Variants in ECT2 observed in about 807,000 individuals in gnomAD.
The protein encoded by ECT2 is protein ECT2.
ECT2 carries 61 observed loss-of-function variants against 116.9 expected under a neutral mutation model. That is an observed-to-expected ratio of 0.52 (90% CI 0.42 to 0.65). The LOEUF is 0.65. Ranked by LOEUF, ECT2 falls within the 30% of genes least tolerant of loss-of-function variation. The probability of loss-of-function intolerance (pLI) is 0.00; values close to 1 mark genes in which losing one functional copy is unlikely to be tolerated. For synonymous variants in ECT2, 358 were observed against 346.4 expected, an observed-to-expected ratio of 1.03 and a Z score of -0.37; for missense variants, 937 against 1,078.7, an observed-to-expected ratio of 0.87 and a Z score of 1.84.
chr3:172,775,089 G>A (rs1034985643), intron 14 of ECT2, among the ~76,000 whole-genome samples: 1 of 152,290 alleles, frequency 6.6e-6, no homozygotes, highest in African/African-American at 2.4e-5. Context: ...TGAATTCCAG[G>A]TGTCAATCTC....
At chr3:172,791,160 A>T (rs772580670) in intron 18 of ECT2, among the ~76,000 whole-genome samples, 1 of 152,194 alleles carries the variant, frequency 6.6e-6, no homozygotes, top group African/African-American at 2.4e-5. Context: ...GTCTCAAGAA[A>T]AAAATTAGTA....
At chr3:172,781,809 C>A (rs76394283) in intron 14 of ECT2, among the ~76,000 whole-genome samples, 9 of 152,130 alleles carry the variant, frequency 5.9e-5, no homozygotes, top group East Asian at 1.9e-4. Flanking sequence ...ATTAAAAAAA[C>A]CTCATTTTTA....
chr3:172,761,326 A>G (rs541792618), intron 7 of ECT2, among the ~76,000 whole-genome samples: 1 of 152,266 alleles, frequency 6.6e-6, no homozygotes, highest in South Asian at 2.1e-4. Flanking sequence ...ACTTTCAAGG[A>G]AGTAAACGTG....
chr3:172,750,803 T>C lies in ECT2; in HGVS notation c.-77T>C, dbSNP rs1192957222. On this transcript the variant is annotated 5_prime_UTR_variant, in exon 1 of 25. Transcript: ENST00000392692. ...GCCGCCGGCGAGGAATGGCGGTATTTGTGAGAGGAGTCGGCGTTTGAAGAG... is the reference window on the plus strand; with the variant it reads ...GCCGCCGGCGAGGAATGGCGGTATTCGTGAGAGGAGTCGGCGTTTGAAGAG... 6.5e-6 allele frequency: 1 copy of C among 153,022 alleles called. No homozygotes were observed. Among genetic ancestry groups the C allele is most frequent in the East Asian group, 1.9e-4 (1 of 5,202 alleles). The allele number at this position is 153,022 out of a possible 1,614,324, so 9.5% of individuals were successfully genotyped here.
chr3:172,828,911 A>G, the ECT2 span: 1 of 1,450,698 alleles, frequency 6.9e-7, no homozygotes, highest in Non-Finnish European at 9.5e-7. Context: ...GCCAAACACA[A>G]TTCCAATGCC....
intron 18 of ECT2, among the ~76,000 whole-genome samples, chr3:172,799,490 A>T (rs1320065462): frequency 6.6e-6 from 1 of 152,220 alleles, no homozygotes; most frequent in Admixed American, 6.5e-5. Flanking sequence ...TGCTGTAATT[A>T]AATTTCACAA....
At chr3:172,753,007 G>A (rs761133322) in intron 1 of ECT2, among the ~76,000 whole-genome samples, 1 of 152,132 alleles carries the variant, frequency 6.6e-6, no homozygotes, top group Non-Finnish European at 1.5e-5. Flanking sequence ...TGTAGCTCTC[G>A]TTAAAGGTGG....
chr3:172,813,226 AC>A (rs1729084994), intron 22 of ECT2, among the ~76,000 whole-genome samples: 2 of 152,074 alleles, frequency 1.3e-5, no homozygotes, highest in Admixed American at 1.3e-4. Flanking sequence ...GGAAATGAAG[AC>A]CTCTTTTCCA....
At chr3:172,819,359 C>T (rs1303898132) in intron 24 of ECT2, among the ~76,000 whole-genome samples, 2 of 151,942 alleles carry the variant, frequency 1.3e-5, no homozygotes, top group Non-Finnish European at 2.9e-5. Flanking sequence ...TACAGTTATT[C>T]TTGAGTCTTT....
At chr3:172,772,443 A>T (rs914456337) in intron 13 of ECT2, among the ~76,000 whole-genome samples, 1 of 152,120 alleles carries the variant, frequency 6.6e-6, no homozygotes, top group African/African-American at 2.4e-5. Flanking sequence ...CGATCCGCCC[A>T]CCTCGGCCTC....
rs191372400 is a variant in ECT2, at chr3:172,793,653, G to A, written c.1907+7079G>A. On this transcript the variant is annotated intron_variant, in intron 18 of 24. Transcript: ENST00000392692. ...TAATTTTAGTATTTTTAGTAGAGAC[G>A]GAGTTTCACCATGTTGGCCAGTCTG... Among the ~76,000 whole-genome samples the A allele has an allele frequency of 1.2e-3, 180 of 151,862 alleles. 1 individual carries two copies. Among genetic ancestry groups the A allele is most frequent in the African/African-American group, 3.9e-3 (163 of 41,412 alleles).
the ECT2 span, among the ~76,000 whole-genome samples, chr3:172,827,850 C>G: frequency 6.6e-6 from 1 of 152,168 alleles, no homozygotes; most frequent in African/African-American, 2.4e-5. Context: ...GAGGCCTAGA[C>G]ATCAATCAAA....
chr3:172,786,355 C>G, intron 17 of ECT2, 138 bp from the exon 18 acceptor site: 1 of 557,710 alleles, frequency 1.8e-6, no homozygotes, highest in South Asian at 3.1e-5. Context: ...TTTTAGGGAA[C>G]AGTGCTTAAA....
downstream of ECT2, among the ~76,000 whole-genome samples, chr3:172,821,756 A>G: frequency 6.6e-6 from 1 of 151,932 alleles, no homozygotes; most frequent in African/African-American, 2.4e-5. Context: ...CACAATTGTT[A>G]TTTTTTTGGA....
chr3:172,805,081 G>A (rs1727427205), intron 20 of ECT2, among the ~76,000 whole-genome samples: 1 of 151,958 alleles, frequency 6.6e-6, no homozygotes, highest in Non-Finnish European at 1.5e-5. Context: ...TAGTAAATTG[G>A]CAATGGAAAT....
chr3:172,784,814 G>A lies in ECT2; in HGVS notation c.1825+11G>A. 2 of 1,504,510 alleles carry A rather than the reference G, an allele frequency of 1.3e-6. No homozygotes were observed. The highest frequency in any genetic ancestry group is 1.8e-6 in the Non-Finnish European group (2 of 1,092,198). The allele number at this position is 1,504,510 out of a possible 1,614,324, so 93.2% of individuals were successfully genotyped here. On this transcript the variant is annotated intron_variant, in intron 17 of 24. Transcript: ENST00000392692. Reference sequence around the variant, plus strand: ...CATTACTTTTAAATGGTACTTGTCTGATCTGTTTCAAACTACATCAGATAT... The same window carrying A: ...CATTACTTTTAAATGGTACTTGTCTAATCTGTTTCAAACTACATCAGATAT...
At position 172,773,973 on chromosome 3, in the gene ECT2, C is replaced by A. The variant is rs760385662; in HGVS notation, c.1499C>A (p.Thr500Asn). 3 of 1,613,052 alleles carry A rather than the reference C, an allele frequency of 1.9e-6. No individual in the cohort carries two copies. The highest frequency in any genetic ancestry group is 2.2e-5 in the East Asian group (1 of 44,844). ...GPILAPEEIK[T>N]IFGSIPDIFD... ...ATCCTTGCACCAGAGGAGATTAAGA[C>A]TATTTTTGGTAGCATCCCAGATATC... is the stretch of plus-strand genomic sequence containing the variant. Residue 500 changes from threonine to asparagine, a missense_variant, in exon 14 of 25, where the codon ACT (threonine) becomes AAT (asparagine). Transcript: ENST00000392692.
chr3:172,816,243 T>G (rs1274822700), intron 23 of ECT2, among the ~76,000 whole-genome samples: 1 of 152,190 alleles, frequency 6.6e-6, no homozygotes, highest in Non-Finnish European at 1.5e-5. Flanking sequence ...TTACAAGTTT[T>G]GTTTTCTTTC....
chr3:172,803,272 A>G (rs753611907), intron 20 of ECT2, among the ~76,000 whole-genome samples: 99 of 152,148 alleles, frequency 6.5e-4, no homozygotes, highest in Non-Finnish European at 1.1e-3. Flanking sequence ...TCTTGTTTCT[A>G]TGTATATTTA....
Sources: gnomAD v4.1 joint callset for allele counts (sites outside exome capture counted in the v4.1 genomes callset) on GRCh38, gnomAD v4.1.1 for gene constraint, MANE v1.5 for transcripts, NCBI Gene and HGNC (gene_info 2026-07-23, HGNC 2026-07-21) for gene names.